The following GRIP1 variants were observed in gnomAD, a reference collection of about 807,000 sequenced individuals.
GRIP1 encodes the protein glutamate receptor interacting protein 1, also known as glutamate receptor-interacting protein 1.
In GRIP1, 45 loss-of-function variants were observed where a neutral mutation model predicts 129.9. That is an observed-to-expected ratio of 0.35 (90% CI 0.27 to 0.44). GRIP1 has a LOEUF of 0.44. GRIP1 is among the 20% of genes least tolerant of loss of function. The pLI is 1.00. For missense variants in GRIP1, 1,196 were observed against 1,396.8 expected (o/e 0.86, Z 2.29); for synonymous variants, 530 against 520.8 (o/e 1.02, Z -0.24).
chr12:66,736,373 TTTTTTTTTTTTTTTTTTTTA>T lies in GRIP1; in HGVS notation c.-420+67660_-420+67679del, dbSNP rs2036601980. On this transcript the variant is annotated intron_variant, in intron 1 of 4. Coordinates refer to the GRIP1 transcript ENST00000538373. Reference sequence around the variant, plus strand: ...TTTTTTTTTTTTTTTTTTTTTTTTTTTTTTTTTTTTTTTTTTTTTAGGATACAGGGTCTTGCTATGTTTTC... The same window carrying T: ...TTTTTTTTTTTTTTTTTTTTTTTTTTGGATACAGGGTCTTGCTATGTTTTC... 1.3e-4 allele frequency among the ~76,000 whole-genome samples: 10 copies of T among 74,304 alleles called. No individual in the cohort carries two copies. The East Asian group carries it at 1.5e-3, about 11-fold the overall frequency. The allele number at this position is 74,304 out of a possible 152,430, so 48.7% of individuals were successfully genotyped here.
Position 66,353,475 on chromosome 12 carries a change from A to G in GRIP1, c.3101T>C (p.Ile1034Thr), listed in dbSNP as rs766000664. 2.3e-5 allele frequency: 37 copies of G among 1,613,032 alleles called. No individual in the cohort carries two copies. Among genetic ancestry groups the G allele is most frequent in the Admixed American group, 6.7e-5 (4 of 59,982 alleles). Residue 1034 changes from isoleucine to threonine, a missense_variant, in exon 24 of 25, where the codon ATT (isoleucine) becomes ACT (threonine). Physicochemically the swap from Ile to Thr is moderately conservative, Grantham distance 89. Around this residue, in one of 5 missense-constraint regions of GRIP1, gnomAD observed 427 missense variants for 463.3 expected, o/e 0.92. Transcript: ENST00000359742. Reference protein sequence around the residue: ...LLEKGVYVKNIRPAGPGDLGG... With the variant: ...LLEKGVYVKNTRPAGPGDLGG... ...AAGATCTCCTGGCCCAGCTGGGCGA[A>G]TATTTTTGACATACACTCCTTTCTC...
intron 7 of GRIP1, among the ~76,000 whole-genome samples, chr12:66,474,331 A>G (rs2059536734): frequency 6.6e-6 from 1 of 152,160 alleles, no homozygotes; most frequent in South Asian, 2.1e-4. Flanking sequence ...GACTATGTGA[A>G]AAGACCAAAC....
intron 1 of GRIP1, among the ~76,000 whole-genome samples, chr12:66,890,578 G>C (rs575604986): frequency 1.3e-5 from 2 of 152,070 alleles, no homozygotes; most frequent in Non-Finnish European, 2.9e-5. Context: ...CACAACATTC[G>C]AAAGTACTAC....
rs1474197671 is a variant in GRIP1, at chr12:67,066,911, T to TATATATATAC, written c.58+2138_58+2139insGTATATATAT. Among the ~76,000 whole-genome samples the TATATATATAC allele has an allele frequency of 1.3e-3, 183 of 140,586 alleles. 1 individual carries two copies. Among genetic ancestry groups the TATATATATAC allele is most frequent in the Middle Eastern group, 7.4e-3 (2 of 270 alleles). The allele number at this position is 140,586 out of a possible 152,430, so 92.2% of individuals were successfully genotyped here. ...ATTTATATATATATATATATATATA[T>TATATATATAC]ACACACACACACAAACTGAAACACA... On this transcript the variant is annotated intron_variant, in intron 1 of 1. Coordinates refer to the GRIP1 transcript ENST00000643019.
intron 1 of GRIP1, among the ~76,000 whole-genome samples, chr12:66,825,876 C>G (rs1181602833): frequency 2.0e-5 from 3 of 152,154 alleles, no homozygotes; most frequent in African/African-American, 7.2e-5. Context: ...TAAATTAGTT[C>G]AACCGTTGTG....
In GRIP1 at chr12:66,729,605, G is replaced by T. The variant is rs181968618; in HGVS notation, c.-420+74448C>A. On this transcript the variant is annotated intron_variant, in intron 1 of 4. Coordinates refer to the GRIP1 transcript ENST00000538373. ...ATATTTTTTTTTGAGACGGAGTCTT[G>T]CTCTGTTGCCCAGGCTGGAGTGCAG... is the stretch of plus-strand genomic sequence containing the variant. 7.2e-5 allele frequency among the ~76,000 whole-genome samples: 11 copies of T among 152,160 alleles called. No individual in the cohort carries two copies. In the East Asian group the frequency reaches 2.1e-3, roughly 29 times the overall value.
intron 20 of GRIP1, among the ~76,000 whole-genome samples, chr12:66,378,997 T>C (rs1343609430): frequency 6.6e-6 from 1 of 151,996 alleles, no homozygotes; most frequent in Non-Finnish European, 1.5e-5. Context: ...GGGGACCTAC[T>C]TGTCATAAGG....
At chr12:66,771,918 G>T (rs1391318342) in intron 1 of GRIP1, among the ~76,000 whole-genome samples, 2 of 152,130 alleles carry the variant, frequency 1.3e-5, no homozygotes, top group African/African-American at 4.8e-5. Context: ...ATTAAAACAG[G>T]ATCTGCACAT....
At chr12:66,730,575 T>C (rs1003812576) in intron 1 of GRIP1, among the ~76,000 whole-genome samples, 1 of 152,014 alleles carries the variant, frequency 6.6e-6, no homozygotes, top group Non-Finnish European at 1.5e-5. Context: ...ATATACATCC[T>C]TTTCTTAAAG....
chr12:66,568,591 C>T (rs949604792), intron 2 of GRIP1: 4 of 185,600 alleles, frequency 2.2e-5, no homozygotes, highest in Middle Eastern at 5.1e-4. Context: ...GTCTGTTTTC[C>T]GCACTGCCAT....
intron 1 of GRIP1, among the ~76,000 whole-genome samples, chr12:66,721,567 C>T (rs2036059486): frequency 6.6e-6 from 1 of 152,112 alleles, no homozygotes; most frequent in Non-Finnish European, 1.5e-5. Context: ...TTCTTAAGGA[C>T]CCTATGATTT....
chr12:66,787,098 AC>A (rs2038372516), intron 1 of GRIP1, among the ~76,000 whole-genome samples: 1 of 152,064 alleles, frequency 6.6e-6, no homozygotes, highest in Admixed American at 6.6e-5. Flanking sequence ...CTAGTATTTG[AC>A]CCCTAAATGG....
intron 1 of GRIP1, among the ~76,000 whole-genome samples, chr12:66,939,776 C>T (rs1454859214): frequency 1.3e-5 from 2 of 152,090 alleles, no homozygotes; most frequent in Non-Finnish European, 2.9e-5. Flanking sequence ...AAATGTATTC[C>T]ACTACCTCTC....
At chr12:66,972,130 C>G (rs1159461787) in intron 1 of GRIP1, among the ~76,000 whole-genome samples, 1 of 152,200 alleles carries the variant, frequency 6.6e-6, no homozygotes, top group Non-Finnish European at 1.5e-5. Flanking sequence ...GCAAAACTGT[C>G]TGACTCTGAG....
intron 1 of GRIP1, among the ~76,000 whole-genome samples, chr12:66,729,664 C>T (rs564295888): frequency 6.6e-6 from 1 of 152,224 alleles, no homozygotes; most frequent in East Asian, 1.9e-4. Flanking sequence ...AGCTCTGCCT[C>T]CTGGGTTCAT....
In GRIP1 at chr12:66,906,292, G is replaced by A. The variant is rs150626501; in HGVS notation, c.58+162758C>T. On this transcript the variant is annotated intron_variant, in intron 1 of 1. Coordinates refer to the GRIP1 transcript ENST00000643019. The stretch of plus-strand genomic sequence containing the variant: ...AAAGAAACAAACAAAAAAATTAGCT[G>A]GGCATGGTGGACACACTTGTAGTCC... 3.9e-5 allele frequency among the ~76,000 whole-genome samples: 6 copies of A among 152,054 alleles called. No individual in the cohort carries two copies. In the East Asian group the frequency reaches 1.2e-3, roughly 30 times the overall value.
At chr12:66,623,201 T>C (rs936086525) in intron 1 of GRIP1, among the ~76,000 whole-genome samples, 4 of 152,200 alleles carry the variant, frequency 2.6e-5, no homozygotes, top group Non-Finnish European at 5.9e-5. Context: ...TTTAGAGATA[T>C]AGCCTAAGTC....
intron 1 of GRIP1, among the ~76,000 whole-genome samples, chr12:66,756,473 C>A (rs2037290286): frequency 6.6e-6 from 1 of 152,116 alleles, no homozygotes; most frequent in Admixed American, 6.5e-5. Context: ...GAAAATAGAT[C>A]CTTGACTTGG....
At chr12:66,917,976 GGA>G (rs374500998) in intron 1 of GRIP1, among the ~76,000 whole-genome samples, 34 of 137,712 alleles carry the variant, frequency 2.5e-4, no homozygotes, top group Non-Finnish European at 3.2e-4. Context: ...ACACACACAC[GGA>G]GAGAGAGAGA....
Sources: allele counts gnomAD v4.1 joint callset (sites outside exome capture counted in the v4.1 genomes callset), GRCh38; gene constraint gnomAD v4.1.1; regional missense constraint gnomAD v4.1.1; transcripts MANE v1.5; gene names NCBI Gene and HGNC (gene_info 2026-07-23, HGNC 2026-07-21).